Variants in PLAC1 observed in about 807,000 individuals in gnomAD.
PLAC1 encodes the protein placenta associated 1.
For missense variants in PLAC1, 136 were observed against 163.2 expected, an observed-to-expected ratio of 0.83 and a Z score of 0.91; for synonymous variants, 68 against 62.1, an observed-to-expected ratio of 1.09 and a Z score of -0.44.
chrX:134,728,411 A>G (rs1226282687), intron 2 of PLAC1, among the ~76,000 whole-genome samples: 3 of 112,126 alleles, frequency 2.7e-5, no homozygotes, highest in Non-Finnish European at 3.8e-5. Context: ...GACTCATCAC[A>G]TACAAAAGAC....
chrX:134,616,649 C>A (rs1341406530), intron 1 of PLAC1, among the ~76,000 whole-genome samples: 2 of 110,245 alleles, frequency 1.8e-5, no homozygotes, highest in Non-Finnish European at 3.8e-5. Context: ...ACAAAAAAAA[C>A]AAAACAACAA....
chrX:134,586,162 T>C (rs1341329818), intron 2 of PLAC1, among the ~76,000 whole-genome samples: 1 of 111,932 alleles, frequency 8.9e-6, no homozygotes, highest in Non-Finnish European at 1.9e-5. Flanking sequence ...CTGTAAATAA[T>C]TGTTGGGTCC....
intron 1 of PLAC1, among the ~76,000 whole-genome samples, chrX:134,611,418 G>T: frequency 9.2e-6 from 1 of 108,239 alleles, no homozygotes; most frequent in Non-Finnish European, 1.9e-5. Flanking sequence ...GTCTGACCTA[G>T]AGTAATTTCT....
At chrX:134,742,312 G>A (rs1479042852) in intron 1 of PLAC1, among the ~76,000 whole-genome samples, 1 of 112,905 alleles carries the variant, frequency 8.9e-6, no homozygotes, top group Non-Finnish European at 1.9e-5. Context: ...AGTGGGCCGG[G>A]CGCAGTGGCT....
At chrX:134,661,879 AG>A (rs1433703448), upstream of PLAC1, among the ~76,000 whole-genome samples, 14 of 112,189 alleles carry the variant, frequency 1.2e-4, no homozygotes, top group Non-Finnish European at 2.6e-4. Context: ...TTGAGAGCTG[AG>A]TTGTTAAATT....
At chrX:134,630,374 C>T (rs1223661036) in intron 1 of PLAC1, among the ~76,000 whole-genome samples, 2 of 112,444 alleles carry the variant, frequency 1.8e-5, no homozygotes, top group Non-Finnish European at 3.8e-5. Flanking sequence ...ATAACTCTCA[C>T]TAACATACCC....
intron 2 of PLAC1, among the ~76,000 whole-genome samples, chrX:134,680,106 A>G (rs749888047): frequency 4.4e-4 from 49 of 112,025 alleles, no homozygotes; most frequent in Admixed American, 1.9e-3. Context: ...TCAGAAGGAC[A>G]TGGGTACTCT....
intron 2 of PLAC1, among the ~76,000 whole-genome samples, chrX:134,576,990 A>G (rs1476515056): frequency 8.9e-6 from 1 of 111,952 alleles, no homozygotes; most frequent in African/African-American, 3.3e-5. Flanking sequence ...CAAACTAACA[A>G]TTATATCTTC....
chrX:134,671,915 C>T (rs2078457045), intron 2 of PLAC1, among the ~76,000 whole-genome samples: 2 of 111,696 alleles, frequency 1.8e-5, no homozygotes, highest in Non-Finnish European at 1.9e-5. Context: ...ACATTTTGGG[C>T]ACCACAAACC....
chrX:134,694,777 T>A (rs1010458370), intron 2 of PLAC1, among the ~76,000 whole-genome samples: 5 of 111,892 alleles, frequency 4.5e-5, no homozygotes, highest in Middle Eastern at 4.2e-3. Context: ...TACCACAGGG[T>A]GAGTTACCAA....
intron 2 of PLAC1, among the ~76,000 whole-genome samples, chrX:134,576,208 T>C (rs2077938286): frequency 9.2e-6 from 1 of 108,602 alleles, no homozygotes. Context: ...ATATTCTATA[T>C]AGCTAGATAA....
chrX:134,760,275 G>A, intron 1 of PLAC1: 1 of 111,863 alleles, frequency 8.9e-6, no homozygotes, highest in East Asian at 2.8e-4. Context: ...GGGGTACTGG[G>A]AAAAGTTTTC....
At chrX:134,621,388 G>A (rs747987153) in intron 1 of PLAC1, among the ~76,000 whole-genome samples, 43 of 96,443 alleles carry the variant, frequency 4.5e-4, no homozygotes, top group African/African-American at 1.6e-3. Flanking sequence ...GGAGGTTGCC[G>A]CGAGCCGAGA....
intron 2 of PLAC1, among the ~76,000 whole-genome samples, chrX:134,684,411 TAAAAAAAAA>T (rs10606569): frequency 4.9e-5 from 4 of 80,989 alleles, no homozygotes; most frequent in Non-Finnish European, 2.3e-5. Context: ...GCTCTGCCAC[TAAAAAAAAA>T]AAAAAAAAAA....
At chrX:134,743,836 C>T in intron 1 of PLAC1, among the ~76,000 whole-genome samples, 1 of 112,134 alleles carries the variant, frequency 8.9e-6, no homozygotes, top group South Asian at 3.7e-4. Context: ...AAAGGGCTAA[C>T]CAATACAAAA....
intron 1 of PLAC1, among the ~76,000 whole-genome samples, chrX:134,633,166 C>A (rs180927675): frequency 9.0e-6 from 1 of 111,574 alleles, no homozygotes; most frequent in Non-Finnish European, 1.9e-5. Context: ...TGGCATTGTA[C>A]CTGGCACACA....
chrX:134,665,184 A>G (rs1000160756), intron 2 of PLAC1, among the ~76,000 whole-genome samples: 15 of 110,796 alleles, frequency 1.4e-4, no homozygotes, highest in African/African-American at 4.9e-4. Flanking sequence ...ATCAAGATAG[A>G]GAACATTTCC....
chrX:134,669,474 GCT>G (rs1381492005), intron 2 of PLAC1, among the ~76,000 whole-genome samples: 1 of 112,444 alleles, frequency 8.9e-6, no homozygotes, highest in Non-Finnish European at 1.9e-5. Flanking sequence ...ATGGGTGTGA[GCT>G]CTTATTCTCT....
chrX:134,654,794 G>T (rs2147801263), intron 1 of PLAC1, among the ~76,000 whole-genome samples: 1 of 112,237 alleles, frequency 8.9e-6, no homozygotes, highest in South Asian at 3.7e-4. Context: ...ACGTCTGTGG[G>T]GCCAACTCTC....
Sources: allele counts gnomAD v4.1 joint callset (sites outside exome capture counted in the v4.1 genomes callset), GRCh38; gene constraint gnomAD v4.1.1; transcripts MANE v1.5; gene names NCBI Gene and HGNC (gene_info 2026-07-23, HGNC 2026-07-21).